Variants in PPFIA2 observed in about 807,000 individuals in gnomAD.
The protein encoded by PPFIA2 is PPFI scaffold protein A2, also known as liprin-alpha-2.
Under a neutral mutation model 175.5 loss-of-function variants are expected in PPFIA2, and 46 were observed. That is an observed-to-expected ratio of 0.26 (90% CI 0.21 to 0.34). The LOEUF is 0.34. Ranked by LOEUF, PPFIA2 falls within the 10% of genes least tolerant of loss-of-function variation. The pLI, the probability that PPFIA2 is intolerant of heterozygous loss-of-function variation, is 1.00. For synonymous variants in PPFIA2, 568 were observed against 511.4 expected (o/e 1.11, Z -1.49); for missense variants, 1,179 against 1,506.1 (o/e 0.78, Z 3.60).
chr12:81,345,802 T>C (rs1001749707), intron 18 of PPFIA2, among the ~76,000 whole-genome samples: 2 of 152,144 alleles, frequency 1.3e-5, no homozygotes, highest in African/African-American at 2.4e-5. Context: ...CACTTTTAAC[T>C]AACAAAATCA....
rs370684427 is a variant in PPFIA2, at chr12:81,740,217, A to G, written c.249+13756T>C. Reference sequence around the variant, plus strand: ...GAGAAAATAGTAGAGCCTTATTATGAGTATTTTTTAAATTATCAGTGTCAC... The same window carrying G: ...GAGAAAATAGTAGAGCCTTATTATGGGTATTTTTTAAATTATCAGTGTCAC... On this transcript the variant is annotated intron_variant, in intron 3 of 32. Transcript: ENST00000549396. Among the ~76,000 whole-genome samples, 9 of 152,290 alleles carry G rather than the reference A, an allele frequency of 5.9e-5. No homozygotes were observed. The East Asian group carries it at 1.2e-3, about 20-fold the overall frequency.
intron 14 of PPFIA2, 107 bp downstream of exon 14, chr12:81,367,001 T>G: frequency 8.3e-7 from 1 of 1,198,524 alleles, no homozygotes; most frequent in Non-Finnish European, 1.1e-6. Context: ...TTTACAAAGA[T>G]AGCATACTAA....
At chr12:81,541,672 A>T (rs2066233623) in intron 4 of PPFIA2, among the ~76,000 whole-genome samples, 1 of 119,854 alleles carries the variant, frequency 8.3e-6, no homozygotes, top group South Asian at 2.4e-4. Flanking sequence ...TTAAAGCAAT[A>T]AAAAAAACCC....
chr12:81,537,129 T>C (rs1159508439), intron 4 of PPFIA2, among the ~76,000 whole-genome samples: 2 of 151,692 alleles, frequency 1.3e-5, no homozygotes, highest in Non-Finnish European at 1.5e-5. Flanking sequence ...ATTATGTATG[T>C]ATGTTGTAGG....
intron 4 of PPFIA2, among the ~76,000 whole-genome samples, chr12:81,514,102 C>T (rs1484635589): frequency 1.3e-5 from 2 of 151,836 alleles, no homozygotes; most frequent in African/African-American, 4.8e-5. Context: ...TTATCTCTGC[C>T]TCACTAGAAC....
At chr12:81,468,602 A>T (rs990973695) in intron 4 of PPFIA2, among the ~76,000 whole-genome samples, 1 of 152,198 alleles carries the variant, frequency 6.6e-6, no homozygotes, top group Admixed American at 6.5e-5. Context: ...ATCTCCCAAC[A>T]TAGCTCAACA....
chr12:81,471,645 C>A (rs867894012), intron 4 of PPFIA2, among the ~76,000 whole-genome samples: 3 of 151,808 alleles, frequency 2.0e-5, no homozygotes, highest in African/African-American at 7.3e-5. Context: ...ATTTTAATAT[C>A]TTTGGTTATA....
intron 4 of PPFIA2, among the ~76,000 whole-genome samples, chr12:81,675,174 T>C (rs1049435846): frequency 1.0e-4 from 15 of 150,506 alleles, no homozygotes; most frequent in African/African-American, 2.7e-4. Flanking sequence ...AGTATACATA[T>C]ATAGATTGAT....
chr12:81,599,438 G>C (rs2059577413), intron 4 of PPFIA2, among the ~76,000 whole-genome samples: 1 of 151,952 alleles, frequency 6.6e-6, no homozygotes, highest in Non-Finnish European at 1.5e-5. Context: ...TAAATTAAGT[G>C]TGTAGGTAAT....
chr12:81,689,280 G>C (rs980068608), intron 3 of PPFIA2, among the ~76,000 whole-genome samples: 1 of 151,992 alleles, frequency 6.6e-6, no homozygotes, highest in East Asian at 1.9e-4. Flanking sequence ...ATCATAATAA[G>C]TTAATTTCAA....
intron 3 of PPFIA2, among the ~76,000 whole-genome samples, chr12:81,750,572 TA>T (rs2083619576): frequency 6.6e-6 from 1 of 152,142 alleles, no homozygotes; most frequent in African/African-American, 2.4e-5. Context: ...ATTAATAAGT[TA>T]GATAATTGAG....
rs1021029575 is a variant in PPFIA2, at chr12:81,533,469, G to A, written c.304-75603C>T. ...CAAATTTATGCCAAATTAAGTGCTGGTAGATTACACTGAGTTACAGACTTT... is the reference window on the plus strand; with the variant it reads ...CAAATTTATGCCAAATTAAGTGCTGATAGATTACACTGAGTTACAGACTTT... On this transcript the variant is annotated intron_variant, in intron 4 of 32. Coordinates refer to ENST00000549396, the MANE Select transcript of PPFIA2 (RefSeq NM_003625.5). 1.3e-4 allele frequency among the ~76,000 whole-genome samples: 20 copies of A among 151,592 alleles called. No individual in the cohort carries two copies. The Admixed American group carries it at 1.3e-3, about 10-fold the overall frequency.
chr12:81,290,626 T>C (rs1395658703), intron 24 of PPFIA2, among the ~76,000 whole-genome samples: 1 of 151,722 alleles, frequency 6.6e-6, no homozygotes, highest in South Asian at 2.1e-4. Flanking sequence ...AGAAAATTAA[T>C]ATAAATACCA....
intron 21 of PPFIA2, among the ~76,000 whole-genome samples, chr12:81,327,993 C>A (rs1235221125): frequency 1.3e-5 from 2 of 152,032 alleles, no homozygotes; most frequent in Non-Finnish European, 1.5e-5. Flanking sequence ...GTAAGTAAAG[C>A]TATTTTTAAG....
At chr12:81,689,959 A>G (rs2075025011) in intron 3 of PPFIA2, among the ~76,000 whole-genome samples, 1 of 152,118 alleles carries the variant, frequency 6.6e-6, no homozygotes, top group Non-Finnish European at 1.5e-5. Context: ...GACAGTCCTT[A>G]CTTGGCACAG....
intron 16 of PPFIA2, among the ~76,000 whole-genome samples, chr12:81,355,458 A>G (rs1390137622): frequency 6.6e-6 from 1 of 152,144 alleles, no homozygotes; most frequent in Non-Finnish European, 1.5e-5. Context: ...CACTAGCTGC[A>G]TTCATTCACC....
chr12:81,640,509 C>T (rs2064819194), intron 4 of PPFIA2, among the ~76,000 whole-genome samples: 6 of 152,028 alleles, frequency 3.9e-5, no homozygotes, highest in Admixed American at 3.9e-4. Flanking sequence ...CAGACTTTTG[C>T]TCCATATTTT....
At position 81,266,944 on chromosome 12, in the gene PPFIA2, G is replaced by A; in HGVS notation, c.3555+8C>T. On this transcript the variant is annotated splice_region_variant and intron_variant, in intron 30 of 32. Coordinates refer to ENST00000549396, the MANE Select transcript of PPFIA2 (RefSeq NM_003625.5). Reference sequence around the variant, plus strand: ...CTCAGATCTCTTTTGAATAACAGGTGGACTTACTTCATCCAGTCGCCTTTC... The same window carrying A: ...CTCAGATCTCTTTTGAATAACAGGTAGACTTACTTCATCCAGTCGCCTTTC... The A allele has an allele frequency of 6.3e-7, 1 of 1,596,968 alleles. No individual in the cohort carries two copies. The highest frequency in any genetic ancestry group is 8.6e-7 in the Non-Finnish European group (1 of 1,165,164).
At position 81,437,110 on chromosome 12, in the gene PPFIA2, G is replaced by A. The variant is rs370057799; in HGVS notation, c.645+2862C>T. ...TATAGGAGATTATAATAATACTCGA[G>A]GGATAAAACTCTATTCCAGAAAACA... On this transcript the variant is annotated intron_variant, in intron 7 of 32. Transcript: ENST00000549396. Among the ~76,000 whole-genome samples, 20 of 152,108 alleles carry A rather than the reference G, an allele frequency of 1.3e-4. No homozygotes were observed. In the South Asian group the frequency reaches 3.9e-3, roughly 30 times the overall value.
Sources: gnomAD v4.1 joint callset for allele counts (sites outside exome capture counted in the v4.1 genomes callset) on GRCh38, gnomAD v4.1.1 for gene constraint, MANE v1.5 for transcripts, NCBI Gene and HGNC (gene_info 2026-07-23, HGNC 2026-07-21) for gene names.